Variants in NDUFAF6 observed in about 807,000 individuals in gnomAD.
The protein encoded by NDUFAF6 is NADH dehydrogenase (ubiquinone) complex I, assembly factor 6.
Under a neutral mutation model 40.8 loss-of-function variants are expected in NDUFAF6, and 45 were observed. The observed-to-expected ratio is 1.10, with a 90% confidence interval of 0.87 to 1.42. The LOEUF (loss-of-function observed/expected upper bound fraction) is 1.42, where lower values mean the gene tolerates loss of function less well. Among genes scored for constraint, NDUFAF6 ranks in the 40% most tolerant of loss-of-function variants. The pLI is 0.00. For synonymous variants in NDUFAF6, 185 were observed against 155.9 expected (o/e 1.19, Z -1.39); for missense variants, 435 against 418.5 (o/e 1.04, Z -0.34).
At chr8:94,918,360 G>A (rs1819274664) in intron 1 of NDUFAF6, among the ~76,000 whole-genome samples, 1 of 152,134 alleles carries the variant, frequency 6.6e-6, no homozygotes, top group African/African-American at 2.4e-5. Context: ...CTGGGAGACT[G>A]GTGGAGAAAT....
intron 8 of NDUFAF6, among the ~76,000 whole-genome samples, chr8:95,055,644 A>G (rs969055528): frequency 1.1e-4 from 17 of 152,242 alleles, no homozygotes; most frequent in Admixed American, 8.5e-4. Flanking sequence ...ATGAAATAGC[A>G]TGAGCTTTCT....
downstream of NDUFAF6, among the ~76,000 whole-genome samples, chr8:95,062,231 G>A (rs546903566): frequency 2.0e-5 from 3 of 151,776 alleles, no homozygotes; most frequent in African/African-American, 2.4e-5. Context: ...GCCACCCTAA[G>A]AGTTGTGTAA....
chr8:94,942,127 C>G (rs542115261), intron 1 of NDUFAF6, among the ~76,000 whole-genome samples: 1 of 152,002 alleles, frequency 6.6e-6, no homozygotes, highest in Admixed American at 6.5e-5. Context: ...AGCTCTGCCT[C>G]CCGGGTTCAC....
At chr8:94,944,684 G>A (rs200132809) in intron 1 of NDUFAF6, among the ~76,000 whole-genome samples, 13 of 152,160 alleles carry the variant, frequency 8.5e-5, no homozygotes, top group African/African-American at 3.1e-4. Flanking sequence ...GCTGACACCC[G>A]TGGGAAGAAC....
intron 2 of NDUFAF6, among the ~76,000 whole-genome samples, chr8:94,948,738 G>A (rs1483319298): frequency 1.3e-5 from 2 of 152,278 alleles, no homozygotes; most frequent in East Asian, 3.9e-4. Context: ...CCCATCCAAC[G>A]GCCGAGAGCA....
intron 1 of NDUFAF6, chr8:94,976,029 T>G (rs1255473400): frequency 6.6e-6 from 1 of 150,532 alleles, no homozygotes; most frequent in African/African-American, 2.5e-5. Flanking sequence ...AAACCCTGTC[T>G]CCACTAAAAA....
In NDUFAF6 at chr8:95,025,120, G is replaced by T; in HGVS notation, c.112G>T (p.Gly38Trp). Residue 38 changes from glycine (G) to tryptophan (W), a missense_variant, in exon 1 of 9, where the codon GGG becomes TGG. Physicochemically the swap from Gly to Trp is radical, Grantham distance 184. Transcript: ENST00000396124. ...GLYARMRRLP[G>W]PEVSGRSVAA... The stretch of plus-strand genomic sequence containing the variant: ...GTACGCGCGCATGCGGCGGCTGCCC[G>T]GGCCGGAGGTGTCTGGGCGGAGCGT... 1 of 1,479,546 alleles carries T rather than the reference G, an allele frequency of 6.8e-7. No homozygotes were observed. The highest frequency in any genetic ancestry group is 2.9e-5 in the East Asian group (1 of 34,526). The allele number at this position is 1,479,546 out of a possible 1,614,324, so 91.7% of individuals were successfully genotyped here.
chr8:95,090,530 C>T, intron 2 of NDUFAF6, among the ~76,000 whole-genome samples: 1 of 152,138 alleles, frequency 6.6e-6, no homozygotes, highest in Non-Finnish European at 1.5e-5. Context: ...TGCTTTTCTC[C>T]TCTGCGGGCT....
At chr8:95,044,577 C>G (rs2599713) in intron 4 of NDUFAF6, 87 of 151,502 alleles carry the variant, frequency 5.7e-4, no homozygotes, top group African/African-American at 2.0e-3. Context: ...CTCAGCTTCC[C>G]GAGTAGCTGG....
intron 4 of NDUFAF6, among the ~76,000 whole-genome samples, chr8:95,044,226 G>C (rs545097801): frequency 3.3e-5 from 5 of 152,168 alleles, no homozygotes; most frequent in South Asian, 2.1e-4. Flanking sequence ...GCTGAGGAGG[G>C]GGGGAAATGG....
At chr8:95,035,288 A>C (rs1829358728) in intron 2 of NDUFAF6, among the ~76,000 whole-genome samples, 166 bp from the exon 3 acceptor site, 2 of 152,228 alleles carry the variant, frequency 1.3e-5, no homozygotes, top group South Asian at 2.1e-4. Context: ...ATGCAGTAAA[A>C]TTCTCTCTTT....
chr8:95,092,750 A>C (rs563813604), intron 2 of NDUFAF6, among the ~76,000 whole-genome samples: 1 of 152,078 alleles, frequency 6.6e-6, no homozygotes, highest in Non-Finnish European at 1.5e-5. Flanking sequence ...ACGCCCGGCT[A>C]ATTTTTTGTA....
In NDUFAF6 at chr8:95,048,576, T is replaced by G. The variant is rs981127273; in HGVS notation, c.816+18T>G. ...TAAAGCATGTAAGTCGGCTTTTTTT[T>G]GCCAAATCATTTAGGGAATAATCAT... On this transcript the variant is annotated intron_variant, in intron 7 of 8. Transcript: ENST00000396124. 5.1e-6 allele frequency: 8 copies of G among 1,558,992 alleles called. No individual in the cohort carries two copies. Among genetic ancestry groups the G allele is most frequent in the African/African-American group, 1.4e-5 (1 of 73,698 alleles).
intron 2 of NDUFAF6, among the ~76,000 whole-genome samples, chr8:94,948,542 G>T (rs145919038): frequency 0.023 from 3,457 of 152,282 alleles, 53 homozygotes; most frequent in African/African-American, 0.039. Flanking sequence ...GGCGGGGGCC[G>T]GTGGCCGGGT....
chr8:94,939,932 AC>A, intron 1 of NDUFAF6: 1 of 1,614,188 alleles, frequency 6.2e-7, no homozygotes, highest in Non-Finnish European at 8.5e-7. Context: ...GGAGTTATGC[AC>A]AGCATAGACA....
intron 1 of NDUFAF6, among the ~76,000 whole-genome samples, chr8:94,900,594 G>A (rs1817951790): frequency 6.6e-6 from 1 of 152,214 alleles, no homozygotes; most frequent in South Asian, 2.1e-4. Context: ...GAAAAGTCCG[G>A]CAGTGATGGA....
chr8:95,106,522 A>G (rs1809848762), downstream of NDUFAF6, among the ~76,000 whole-genome samples: 1 of 152,238 alleles, frequency 6.6e-6, no homozygotes, highest in Non-Finnish European at 1.5e-5. Context: ...CTAAAACCAT[A>G]AAAACCCTAG....
At chr8:95,087,887 A>G (rs554670930) in intron 2 of NDUFAF6, 1 of 152,430 alleles carries the variant, frequency 6.6e-6, no homozygotes, top group African/African-American at 2.4e-5. Flanking sequence ...CACACATACA[A>G]TTACAGCGAA....
At chr8:94,959,530 G>T (rs968815030) in intron 1 of NDUFAF6, among the ~76,000 whole-genome samples, 7 of 146,412 alleles carry the variant, frequency 4.8e-5, no homozygotes, top group Admixed American at 6.8e-5. Flanking sequence ...GTTGCTTTTT[G>T]TTTTTTTTGT....
Sources: allele counts gnomAD v4.1 joint callset (sites outside exome capture counted in the v4.1 genomes callset), GRCh38; gene constraint gnomAD v4.1.1; transcripts MANE v1.5; gene names NCBI Gene and HGNC (gene_info 2026-07-23, HGNC 2026-07-21).